Variants in PLEKHG1 observed in about 807,000 individuals in gnomAD.
PLEKHG1 encodes the protein pleckstrin homology domain-containing family G member 1.
Under a neutral mutation model 100.8 loss-of-function variants are expected in PLEKHG1, and 44 were observed. That is an observed-to-expected ratio of 0.44 (90% CI 0.34 to 0.56). The LOEUF (loss-of-function observed/expected upper bound fraction) is 0.56, where lower values mean the gene tolerates loss of function less well. PLEKHG1 is among the 20% of genes least tolerant of loss of function. The probability of loss-of-function intolerance (pLI) is 0.01; values close to 1 mark genes in which losing one functional copy is unlikely to be tolerated. For missense variants in PLEKHG1, 1,545 were observed against 1,720.9 expected (o/e 0.90, Z 1.81); for synonymous variants, 640 against 662.5 (o/e 0.97, Z 0.52).
At chr6:150,607,634 A>G (rs55901987) in intron 1 of PLEKHG1, among the ~76,000 whole-genome samples, 19,283 of 152,196 alleles carry the variant, frequency 0.13, 1,412 homozygotes, top group South Asian at 0.24. Flanking sequence ...AAGATCTGGG[A>G]TTACTGAGTG....
chr6:150,830,813 T>C, exon 15 of PLEKHG1: 1 of 1,614,160 alleles, frequency 6.2e-7, no homozygotes, highest in Non-Finnish European at 8.5e-7. Context: ...GTCATTTTCC[T>C]CCTCAGATCT....
At chr6:150,603,217 AGG>A (rs1271954337) in intron 1 of PLEKHG1, among the ~76,000 whole-genome samples, 1 of 152,134 alleles carries the variant, frequency 6.6e-6, no homozygotes, top group African/African-American at 2.4e-5. Context: ...TTTTAGACAA[AGG>A]GTCTGTAAGC....
intron 3 of PLEKHG1, among the ~76,000 whole-genome samples, chr6:150,668,042 A>G (rs1351824557): frequency 2.0e-5 from 3 of 152,248 alleles, no homozygotes; most frequent in Non-Finnish European, 4.4e-5. Flanking sequence ...TTCCAGGAAT[A>G]TGAAAGTGAA....
intron 4 of PLEKHG1, among the ~76,000 whole-genome samples, chr6:150,794,719 AATG>A (rs990635320): frequency 2.6e-5 from 4 of 152,196 alleles, no homozygotes; most frequent in Admixed American, 2.6e-4. Flanking sequence ...TTACAAGGAA[AATG>A]ATGTCTAGAA....
intron 3 of PLEKHG1, among the ~76,000 whole-genome samples, chr6:150,689,635 G>C (rs1359142148): frequency 2.0e-5 from 3 of 152,146 alleles, no homozygotes; most frequent in Non-Finnish European, 2.9e-5. Flanking sequence ...GGCCAAGGTG[G>C]GTGGGTCACC....
chr6:150,807,039 C>T (rs1206402058), intron 7 of PLEKHG1, among the ~76,000 whole-genome samples: 6 of 152,024 alleles, frequency 3.9e-5, no homozygotes, highest in African/African-American at 9.7e-5. Flanking sequence ...GTTATCAGAT[C>T]GACTGTCATG....
intron 3 of PLEKHG1, among the ~76,000 whole-genome samples, chr6:150,702,469 C>CA (rs11424911): frequency 0.38 from 55,842 of 145,666 alleles, 10,572 homozygotes; most frequent in Non-Finnish European, 0.42. Flanking sequence ...GACTCCGTCT[C>CA]AAAAAAAAAA....
Position 150,810,330 on chromosome 6 carries a change from C to T in PLEKHG1, c.1278+596C>T, listed in dbSNP as rs149490284. Among the ~76,000 whole-genome samples, 999 of 149,086 alleles carry T rather than the reference C, an allele frequency of 6.7e-3. 13 individuals are homozygous for T. The highest frequency in any genetic ancestry group is 0.023 in the African/African-American group (951 of 40,790). On this transcript the variant is annotated intron_variant, in intron 10 of 15. Coordinates refer to ENST00000358517, the Ensembl canonical transcript of PLEKHG1. ...TGTCACCCAGGCTGGAGTGCAGTGG[C>T]GCAATCTCCACACAAGAAAAAGCAA...
At chr6:150,613,835 G>A (rs948140393) in intron 1 of PLEKHG1, among the ~76,000 whole-genome samples, 4 of 152,204 alleles carry the variant, frequency 2.6e-5, no homozygotes, top group African/African-American at 9.7e-5. Context: ...ACGAATGGCA[G>A]ACACCCGAAA....
intron 3 of PLEKHG1, among the ~76,000 whole-genome samples, chr6:150,769,265 G>C (rs923552135): frequency 4.6e-5 from 7 of 152,088 alleles, no homozygotes; most frequent in African/African-American, 1.4e-4. Context: ...GAATGAATAA[G>C]TTATTATATT....
chr6:150,840,344 G>A (rs1179333748), exon 16 of PLEKHG1: 2 of 1,614,010 alleles, frequency 1.2e-6, no homozygotes, highest in East Asian at 4.5e-5. Flanking sequence ...CTAGTGATGT[G>A]GGAAAGCAGC....
intron 3 of PLEKHG1, among the ~76,000 whole-genome samples, chr6:150,699,621 A>G (rs1034345427): frequency 6.6e-6 from 1 of 152,218 alleles, no homozygotes; most frequent in Non-Finnish European, 1.5e-5. Context: ...ATGAGCCCTT[A>G]GTATGTGTCT....
At position 150,824,718 on chromosome 6, in the gene PLEKHG1, C is replaced by CG. The variant is rs550821741; in HGVS notation, c.1470+1047dup. The stretch of plus-strand genomic sequence containing the variant: ...CTGATTTTTGTATTTTTAGTAGAGA[C>CG]GGGGGTTCACCAAGTTGGCAACGCC... On this transcript the variant is annotated intron_variant, in intron 14 of 15. Transcript: ENST00000358517. Among the ~76,000 whole-genome samples the CG allele has an allele frequency of 9.4e-5, 10 of 106,702 alleles. No homozygotes were observed. The East Asian group carries it at 2.0e-3, about 21-fold the overall frequency. The allele number at this position is 106,702 out of a possible 152,430, so 70.0% of individuals were successfully genotyped here.
intron 3 of PLEKHG1, among the ~76,000 whole-genome samples, chr6:150,660,889 A>C (rs1253082399): frequency 6.6e-6 from 1 of 152,222 alleles, no homozygotes; most frequent in Non-Finnish European, 1.5e-5. Flanking sequence ...ACATAGAAAA[A>C]GGTGTTTGTG....
chr6:150,768,788 T>C, intron 3 of PLEKHG1, 50 bp downstream of exon 4: 1 of 1,092,616 alleles, frequency 9.2e-7, no homozygotes, highest in Non-Finnish European at 1.4e-6. Context: ...TTATGAAAAT[T>C]TCTCAAATGA....
chr6:150,651,656 C>T (rs552051186), intron 3 of PLEKHG1, among the ~76,000 whole-genome samples: 19 of 151,934 alleles, frequency 1.3e-4, no homozygotes, highest in South Asian at 4.2e-4. Context: ...ATGAGGAGTT[C>T]GAGACCAGCC....
At chr6:150,734,172 T>C in intron 2 of PLEKHG1, 80 bp downstream of exon 3, 1 of 1,390,374 alleles carries the variant, frequency 7.2e-7, no homozygotes, top group Non-Finnish European at 9.9e-7. Context: ...AAGCCAGGTG[T>C]AGGGGATGTC....
intron 1 of PLEKHG1, among the ~76,000 whole-genome samples, chr6:150,629,737 G>A (rs1777665807): frequency 1.3e-5 from 2 of 152,124 alleles, no homozygotes; most frequent in Admixed American, 1.3e-4. Context: ...GGGATTACAG[G>A]CGTGAGCCAC....
chr6:150,614,420 T>C (rs6557547), intron 1 of PLEKHG1, among the ~76,000 whole-genome samples: 77,444 of 152,080 alleles, frequency 0.51, 20,011 homozygotes, highest in Admixed American at 0.6. Flanking sequence ...TTATAACTAC[T>C]GTACAGGATC....
Sources: gnomAD v4.1 joint callset for allele counts (sites outside exome capture counted in the v4.1 genomes callset) on GRCh38, gnomAD v4.1.1 for gene constraint, MANE v1.5 for transcripts, NCBI Gene and HGNC (gene_info 2026-07-23, HGNC 2026-07-21) for gene names.